SCAF4: variants seen among roughly 807,000 people sequenced by gnomAD.
SCAF4 encodes SR-related CTD associated factor 4.
Under a neutral mutation model 129.8 loss-of-function variants are expected in SCAF4, and 25 were observed. The ratio of observed to expected loss-of-function variants is 0.19; its 90% CI spans 0.14 to 0.27. SCAF4 has a LOEUF of 0.27. Ranked by LOEUF, SCAF4 falls within the 10% of genes least tolerant of loss-of-function variation. The probability of loss-of-function intolerance (pLI) is 1.00; values close to 1 mark genes in which losing one functional copy is unlikely to be tolerated. For synonymous variants in SCAF4, 551 were observed against 497.7 expected (o/e 1.11, Z -1.43); for missense variants, 1,246 against 1,457.1 (o/e 0.86, Z 2.36).
intron 19 of SCAF4, among the ~76,000 whole-genome samples, chr21:31,682,013 T>C (rs2050006284): frequency 6.6e-6 from 1 of 152,212 alleles, no homozygotes; most frequent in African/African-American, 2.4e-5. Flanking sequence ...GGTGTGCTAT[T>C]TATCACTAAA....
intron 1 of SCAF4, among the ~76,000 whole-genome samples, chr21:31,730,392 T>A (rs1315216368): frequency 2.6e-5 from 4 of 152,194 alleles, no homozygotes; most frequent in African/African-American, 9.7e-5. Context: ...GCATTTTATG[T>A]ACCCATCAAT....
At chr21:31,675,119 G>T (rs1271584803) in intron 19 of SCAF4, among the ~76,000 whole-genome samples, 1 of 152,150 alleles carries the variant, frequency 6.6e-6, no homozygotes, top group East Asian at 1.9e-4. Flanking sequence ...GGTGTGTGTG[G>T]TTCAGAGAAC....
Position 31,714,038 on chromosome 21 carries a change from G to A in SCAF4, c.31-7681C>T, listed in dbSNP as rs75065081. ...TTCTATAGAGAGTGAGAAAGATTTG[G>A]TTTTGAATCTGGGTCTGGCCATGCA... is the stretch of plus-strand genomic sequence containing the variant. On this transcript the variant is annotated intron_variant, in intron 1 of 19. Transcript: ENST00000286835. 9.4e-3 allele frequency among the ~76,000 whole-genome samples: 1,428 copies of A among 152,196 alleles called. 27 individuals are homozygous for A. The highest frequency in any genetic ancestry group is 0.033 in the African/African-American group (1,354 of 41,520).
At chr21:31,731,269 C>T (rs922100311) in intron 1 of SCAF4, among the ~76,000 whole-genome samples, 3 of 152,210 alleles carry the variant, frequency 2.0e-5, no homozygotes, top group African/African-American at 7.2e-5. Context: ...CACGCCCGCC[C>T]GCGCTTCTTT....
At chr21:31,674,538 T>C (rs2049801335) in intron 19 of SCAF4, among the ~76,000 whole-genome samples, 1 of 152,204 alleles carries the variant, frequency 6.6e-6, no homozygotes, top group Non-Finnish European at 1.5e-5. Context: ...AAAAATTTTA[T>C]CTGTAGTTCC....
intron 1 of SCAF4, among the ~76,000 whole-genome samples, chr21:31,729,148 C>T (rs1424369088): frequency 6.6e-6 from 1 of 152,202 alleles, no homozygotes; most frequent in African/African-American, 2.4e-5. Flanking sequence ...CAATGTTTAC[C>T]CACAGCCTAA....
Position 31,697,679 on chromosome 21 carries a change from C to T in SCAF4, c.778-929G>A, listed in dbSNP as rs145876610. ...TCAACCTTAAATTCCTGAACCTTGT[C>T]ATTCTATAATAGTTCTGCCTAGAGA... On this transcript the variant is annotated intron_variant, in intron 7 of 19. Coordinates refer to ENST00000286835, the MANE Select transcript of SCAF4 (RefSeq NM_020706.2). Among the ~76,000 whole-genome samples, 35 of 152,330 alleles carry T rather than the reference C, an allele frequency of 2.3e-4. 2 individuals carry two copies. The highest frequency in any genetic ancestry group is 8.2e-4 in the African/African-American group (34 of 41,574).
At chr21:31,683,084 C>T (rs1426293022) in intron 19 of SCAF4, among the ~76,000 whole-genome samples, 1 of 152,076 alleles carries the variant, frequency 6.6e-6, no homozygotes, top group Non-Finnish European at 1.5e-5. Flanking sequence ...AATTCTAAAC[C>T]CTTCTGGATT....
chr21:31,697,913 T>C (rs2050427526), intron 7 of SCAF4, among the ~76,000 whole-genome samples: 1 of 152,226 alleles, frequency 6.6e-6, no homozygotes, highest in African/African-American at 2.4e-5. Flanking sequence ...ACAGCCCAGG[T>C]ACCTTGCTGT....
At chr21:31,712,519 G>C (rs62222947) in intron 1 of SCAF4, among the ~76,000 whole-genome samples, 1 of 142,158 alleles carries the variant, frequency 7.0e-6, no homozygotes, top group Non-Finnish European at 1.5e-5. Context: ...TGTCTGGCCT[G>C]ATTCTCCCTT....
chr21:31,701,494 G>C (rs556180330), intron 6 of SCAF4, among the ~76,000 whole-genome samples: 51 of 152,220 alleles, frequency 3.4e-4, no homozygotes, highest in African/African-American at 1.1e-3. Context: ...AAATAATTTT[G>C]AAATCCATCA....
chr21:31,675,861 G>T (rs2049840640), intron 19 of SCAF4, among the ~76,000 whole-genome samples: 1 of 152,080 alleles, frequency 6.6e-6, no homozygotes, highest in Admixed American at 6.5e-5. Context: ...GTGAAATAAA[G>T]AACAAGTACA....
chr21:31,688,144 A>T (rs986872393), intron 16 of SCAF4, among the ~76,000 whole-genome samples, 163 bp downstream of exon 16: 34 of 150,224 alleles, frequency 2.3e-4, no homozygotes, highest in Non-Finnish European at 4.3e-4. Context: ...AAAAAAAAAA[A>T]AGTGAAGAAT....
chr21:31,731,750 G>A lies in SCAF4; in HGVS notation c.-58C>T. 2 of 1,543,328 alleles carry A rather than the reference G, an allele frequency of 1.3e-6. No individual in the cohort carries two copies. Among genetic ancestry groups the A allele is most frequent in the Non-Finnish European group, 8.7e-7 (1 of 1,153,248 alleles). ...GCCGGTCACATAGACCTCGCGCCGC[G>A]GCGGAGCGGGGCTGGGAAACCAGCC... On this transcript the variant is annotated 5_prime_UTR_variant, in exon 1 of 20. Coordinates refer to ENST00000286835, the MANE Select transcript of SCAF4 (RefSeq NM_020706.2).
chr21:31,671,775 C>T lies in SCAF4; in HGVS notation c.3068G>A (p.Arg1023Lys), dbSNP rs369246639. Reference sequence around the variant, plus strand: ...TCTCCTGTCACGGTTACTATTATCTCTATCATCATTACGGTTCCCATACCG... The same window carrying T: ...TCTCCTGTCACGGTTACTATTATCTTTATCATCATTACGGTTCCCATACCG... ...RERYGNRNDD[R>K]DNSNRDRREW... The change falls in exon 20 of 20, where the codon AGA becomes AAA. Residue 1023 changes from arginine to lysine, a missense_variant. Physicochemically the swap from Arg to Lys is conservative, Grantham distance 26. Transcript: ENST00000286835. 21 of 1,614,034 alleles carry T rather than the reference C, an allele frequency of 1.3e-5. 1 individual carries two copies. The African/African-American group carries it at 2.4e-4, about 18-fold the overall frequency.
At chr21:31,729,844 T>C (rs2051304954) in intron 1 of SCAF4, among the ~76,000 whole-genome samples, 1 of 152,202 alleles carries the variant, frequency 6.6e-6, no homozygotes, top group African/African-American at 2.4e-5. Flanking sequence ...ATTCCTAACT[T>C]TGGTTTTTCA....
intron 1 of SCAF4, among the ~76,000 whole-genome samples, chr21:31,716,056 C>T (rs1398234928): frequency 2.0e-5 from 3 of 152,064 alleles, no homozygotes; most frequent in Non-Finnish European, 4.4e-5. Flanking sequence ...ATGCTTTTTC[C>T]TACTTTTTGA....
Position 31,691,070 on chromosome 21 carries a change from C to T in SCAF4, c.1729-117G>A, listed in dbSNP as rs555616813. The stretch of plus-strand genomic sequence containing the variant: ...TCGGGCACCAAGGGAGCAATCTGGA[C>T]CAGCTAGGCTTGGATCTCATTCAAA... On this transcript the variant is annotated intron_variant, in intron 14 of 19. Coordinates refer to ENST00000286835, the MANE Select transcript of SCAF4 (RefSeq NM_020706.2). 580 of 724,346 alleles carry T rather than the reference C, an allele frequency of 8.0e-4. 1 individual carries two copies. In the African/African-American group the frequency reaches 8.8e-3, roughly 11 times the overall value. The allele number at this position is 724,346 out of a possible 1,614,324, so 44.9% of individuals were successfully genotyped here.
intron 19 of SCAF4, among the ~76,000 whole-genome samples, chr21:31,675,821 G>A (rs962661665): frequency 1.3e-5 from 2 of 152,160 alleles, no homozygotes; most frequent in Non-Finnish European, 2.9e-5. Context: ...AGACACCATT[G>A]CCATCTACAG....
Sources: allele counts gnomAD v4.1 joint callset (sites outside exome capture counted in the v4.1 genomes callset), GRCh38; gene constraint gnomAD v4.1.1; transcripts MANE v1.5; gene names NCBI Gene and HGNC (gene_info 2026-07-23, HGNC 2026-07-21).